Variants in CRHR2 observed in about 807,000 individuals in gnomAD.
CRHR2 encodes the protein corticotropin-releasing hormone receptor 2.
A neutral mutation model predicts 57.9 loss-of-function variants in CRHR2; 53 were observed. The observed-to-expected ratio is 0.92, with a 90% CI of 0.73 to 1.15. The LOEUF (loss-of-function observed/expected upper bound fraction) is 1.15. Ranked by LOEUF, CRHR2 falls within the 50% of genes most tolerant of loss-of-function variation. The probability of loss-of-function intolerance (pLI) is 0.00; values close to 1 mark genes in which losing one functional copy is unlikely to be tolerated. For missense variants in CRHR2, 532 were observed against 542.6 expected, an observed-to-expected ratio of 0.98 and a Z score of 0.19; for synonymous variants, 213 against 220.9, an observed-to-expected ratio of 0.96 and a Z score of 0.32.
intron 1 of CRHR2, among the ~76,000 whole-genome samples, chr7:30,698,925 G>A (rs1293277019): frequency 6.6e-6 from 1 of 152,236 alleles, no homozygotes; most frequent in Admixed American, 6.5e-5. Flanking sequence ...CACACATTAA[G>A]CAGCAAAGCA....
chr7:30,655,771 C>T lies in CRHR2; in HGVS notation c.918-56G>A. On this transcript the variant is annotated intron_variant, in intron 9 of 11. Transcript: ENST00000471646. ...CCCATGCGGCAGGCAGGGCCTCACC[C>T]AGTGGGCGGCGGGAGACAGTGGTGG... 4 of 1,592,030 alleles carry T rather than the reference C, an allele frequency of 2.5e-6. No individual in the cohort carries two copies. In the African/African-American group the frequency reaches 4.2e-5, roughly 17 times the overall value.
chr7:30,653,718 G>T lies in CRHR2; in HGVS notation c.1096-118C>A. On this transcript the variant is annotated intron_variant, in intron 11 of 11. Coordinates refer to ENST00000471646, the MANE Select transcript of CRHR2 (RefSeq NM_001883.5). This position sits in a 1 kb window ranked among gnomAD's most constrained non-coding sequence, Gnocchi z 5.0. ...ACTGCCACCCTCATGACAAGGAACT[G>T]TCTGCTTCCAAAACAGGTCCTTCCC... 1 of 1,279,410 alleles carries T rather than the reference G, an allele frequency of 7.8e-7. No homozygotes were observed. Among genetic ancestry groups the T allele is most frequent in the Non-Finnish European group, 1.0e-6 (1 of 955,774 alleles). 79.3% of individuals were successfully genotyped at this position (1,279,410 alleles called of 1,614,324 possible). A position where few individuals can be genotyped will look rare whatever the true frequency, so the allele number is the denominator to read the frequency against.
At chr7:30,691,200 C>T (rs889856778) in intron 1 of CRHR2, among the ~76,000 whole-genome samples, 1 of 152,176 alleles carries the variant, frequency 6.6e-6, no homozygotes, top group Non-Finnish European at 1.5e-5. Flanking sequence ...TCTGACCCAT[C>T]ACCCTCTTTA....
chr7:30,683,283 G>A (rs1315053900), upstream of CRHR2, among the ~76,000 whole-genome samples: 1 of 152,228 alleles, frequency 6.6e-6, no homozygotes, highest in Admixed American at 6.5e-5. Context: ...GTGAGAATGT[G>A]TCTCTCTTCC....
upstream of CRHR2, among the ~76,000 whole-genome samples, chr7:30,684,592 G>T (rs1428294374): frequency 1.3e-5 from 2 of 152,204 alleles, no homozygotes; most frequent in Non-Finnish European, 2.9e-5. Flanking sequence ...TCTGGGAAGT[G>T]ACCATTTCAG....
At chr7:30,699,462 G>A (rs1025532873) in intron 1 of CRHR2, among the ~76,000 whole-genome samples, 11 of 151,864 alleles carry the variant, frequency 7.2e-5, no homozygotes, top group Admixed American at 4.6e-4. Context: ...GGCTCTCTGC[G>A]GGTCCCTGGG....
intron 1 of CRHR2, among the ~76,000 whole-genome samples, chr7:30,691,942 G>A (rs1444000918): frequency 6.6e-6 from 1 of 152,156 alleles, no homozygotes; most frequent in African/African-American, 2.4e-5. Context: ...ACATATCTTG[G>A]ATAATCCCAT....
chr7:30,689,126 T>C (rs1446682790), intron 2 of CRHR2: 3 of 1,417,050 alleles, frequency 2.1e-6, no homozygotes, highest in Non-Finnish European at 2.9e-6. Flanking sequence ...GGAAAGCCTC[T>C]TCCTCCCGCA....
intron 2 of CRHR2, among the ~76,000 whole-genome samples, chr7:30,678,202 C>T (rs1562804680): frequency 6.6e-6 from 1 of 152,238 alleles, no homozygotes; most frequent in African/African-American, 2.4e-5. Context: ...TTCTTCTCTG[C>T]TTAACCTAGC....
intron 1 of CRHR2, chr7:30,699,568 G>A: frequency 6.1e-6 from 1 of 165,068 alleles, no homozygotes; most frequent in Non-Finnish European, 1.3e-5. Context: ...AGAATGGATA[G>A]GAGACAGGGA....
chr7:30,672,093 C>G (rs1177852245), intron 2 of CRHR2, among the ~76,000 whole-genome samples: 1 of 152,208 alleles, frequency 6.6e-6, no homozygotes, highest in African/African-American at 2.4e-5. Context: ...CGGAGAGCTC[C>G]TAAGAACCAG....
At chr7:30,654,926 A>C in intron 11 of CRHR2, 113 bp downstream of exon 11, 1 of 1,555,558 alleles carries the variant, frequency 6.4e-7, no homozygotes, top group Non-Finnish European at 8.7e-7. Flanking sequence ...TGGTATCTCA[A>C]GGCTTCCTCT....
intron 5 of CRHR2, among the ~76,000 whole-genome samples, chr7:30,663,167 C>G (rs1227786346): frequency 6.6e-6 from 1 of 152,180 alleles, no homozygotes; most frequent in East Asian, 1.9e-4. Context: ...TGGAATTCAA[C>G]CATCTTGTTG....
intron 2 of CRHR2, among the ~76,000 whole-genome samples, chr7:30,680,798 C>T (rs929422425): frequency 3.3e-5 from 5 of 150,248 alleles, no homozygotes; most frequent in African/African-American, 9.8e-5. Flanking sequence ...GCAAAGCCCT[C>T]AGCCTCAGCT....
At chr7:30,694,162 G>T (rs1346954905) in intron 1 of CRHR2, among the ~76,000 whole-genome samples, 1 of 152,234 alleles carries the variant, frequency 6.6e-6, no homozygotes, top group Non-Finnish European at 1.5e-5. Flanking sequence ...GCCAGGTAGA[G>T]CTACATCCCC....
chr7:30,664,805 A>C (rs578098304), intron 5 of CRHR2, among the ~76,000 whole-genome samples: 1 of 152,002 alleles, frequency 6.6e-6, no homozygotes, highest in Non-Finnish European at 1.5e-5. Context: ...TCTGTGTGCA[A>C]ATCTCCAAGG....
rs189849563 is a variant in CRHR2, at chr7:30,655,862, G to T, written c.917+65C>A. 2.2e-5 allele frequency: 35 copies of T among 1,597,422 alleles called. No individual in the cohort carries two copies. The East Asian group carries it at 5.8e-4, about 27-fold the overall frequency. On this transcript the variant is annotated intron_variant, in intron 9 of 11. Coordinates refer to ENST00000471646, the MANE Select transcript of CRHR2 (RefSeq NM_001883.5). ...CTGGGGCAGAGGGCTCTGCCAGGAA[G>T]CAGGGGGACGGCCCGATGACCTCCT...
chr7:30,695,912 G>A (rs139146310), intron 1 of CRHR2, among the ~76,000 whole-genome samples: 210 of 152,286 alleles, frequency 1.4e-3, no homozygotes, highest in Non-Finnish European at 2.3e-3. Flanking sequence ...AACTCAGGGC[G>A]TTGGTATGAA....
intron 5 of CRHR2, among the ~76,000 whole-genome samples, chr7:30,663,239 T>C (rs1446757912): frequency 2.0e-5 from 3 of 152,174 alleles, no homozygotes; most frequent in East Asian, 3.8e-4. Context: ...CTGCTTCCTT[T>C]TGGGGATGGG....
Sources: allele counts gnomAD v4.1 joint callset (sites outside exome capture counted in the v4.1 genomes callset), GRCh38; gene constraint gnomAD v4.1.1; non-coding constraint Gnocchi (gnomAD v3.1); transcripts MANE v1.5; gene names NCBI Gene and HGNC (gene_info 2026-07-23, HGNC 2026-07-21).